The following ARHGEF11 variants were observed in gnomAD, a reference collection of about 807,000 sequenced individuals.
ARHGEF11 encodes the protein Rho guanine nucleotide exchange factor 11.
A neutral mutation model predicts 193.7 loss-of-function variants in ARHGEF11; 55 were observed. That is an observed-to-expected ratio of 0.28 (90% CI 0.23 to 0.36). The LOEUF (loss-of-function observed/expected upper bound fraction) is 0.36, where lower values mean the gene tolerates loss of function less well. ARHGEF11 is among the 10% of genes least tolerant of loss of function. The pLI, the probability that ARHGEF11 is intolerant of heterozygous loss-of-function variation, is 1.00. For missense variants in ARHGEF11, 1,723 were observed against 2,005.6 expected (o/e 0.86, Z 2.69); for synonymous variants, 693 against 768.0 (o/e 0.90, Z 1.62).
At position 156,935,899 on chromosome 1, in the gene ARHGEF11, C is replaced by A; in HGVS notation, c.*101G>T. 7.4e-7 allele frequency: 1 copy of A among 1,356,958 alleles called. No individual in the cohort carries two copies. Among genetic ancestry groups the A allele is most frequent in the Non-Finnish European group, 1.0e-6 (1 of 992,714 alleles). 84.1% of individuals were successfully genotyped at this position (1,356,958 alleles called of 1,614,324 possible). A position where few individuals can be genotyped will look rare whatever the true frequency, so the allele number is the denominator to read the frequency against. Reference sequence around the variant, plus strand: ...ATCCTAGTTTCCCTAACTGCCTCCTCCACAGGGAGGAGTGTTGGGATCCCC... The same window carrying A: ...ATCCTAGTTTCCCTAACTGCCTCCTACACAGGGAGGAGTGTTGGGATCCCC... On this transcript the variant is annotated 3_prime_UTR_variant, in exon 41 of 41. Coordinates refer to ENST00000368194, the MANE Select transcript of ARHGEF11 (RefSeq NM_198236.3).
intron 17 of ARHGEF11, 69 bp downstream of exon 17, chr1:156,958,673 A>C (rs1557859154): frequency 3.1e-6 from 5 of 1,602,978 alleles, no homozygotes; most frequent in Non-Finnish European, 3.4e-6. Context: ...AGGTTGAAAG[A>C]ACAGACCCAC....
upstream of ARHGEF11, among the ~76,000 whole-genome samples, chr1:157,046,691 C>G (rs931559124): frequency 7.2e-5 from 11 of 152,142 alleles, no homozygotes; most frequent in African/African-American, 2.7e-4. Flanking sequence ...TCATAACCCC[C>G]TCTCATAGAA....
chr1:156,978,991 G>A (rs951547945), intron 5 of ARHGEF11, among the ~76,000 whole-genome samples: 2 of 152,242 alleles, frequency 1.3e-5, no homozygotes, highest in African/African-American at 4.8e-5. Flanking sequence ...GCAAAGATGA[G>A]TGTGGGTAAA....
intron 1 of ARHGEF11, among the ~76,000 whole-genome samples, chr1:157,030,086 C>T (rs1289287331): frequency 2.0e-5 from 3 of 152,124 alleles, no homozygotes; most frequent in Non-Finnish European, 4.4e-5. Flanking sequence ...TTGCACAACT[C>T]TGTGAATATA....
At position 156,939,529 on chromosome 1, in the gene ARHGEF11, A is replaced by C; in HGVS notation, c.4096+19T>G. 1 of 1,607,054 alleles carries C rather than the reference A, an allele frequency of 6.2e-7. No homozygotes were observed. The highest frequency in any genetic ancestry group is 8.5e-7 in the Non-Finnish European group (1 of 1,179,960). On this transcript the variant is annotated intron_variant, in intron 37 of 40. Coordinates refer to ENST00000368194, the MANE Select transcript of ARHGEF11 (RefSeq NM_198236.3). ...GCAAGGGTGCTTGTCTCCCCACTGG[A>C]CACTCCCATTTATTTTACCTTTTCT...
Position 156,948,713 on chromosome 1 carries a change from C to G in ARHGEF11, c.1926-215G>C. On this transcript the variant is annotated intron_variant, in intron 22 of 40. Coordinates refer to ENST00000368194, the MANE Select transcript of ARHGEF11 (RefSeq NM_198236.3). This position sits in a 1 kb window ranked among gnomAD's most constrained non-coding sequence, Gnocchi z 4.2. Reference sequence around the variant, plus strand: ...AACTCCTCCTCTCTCCCCAGCCTAGCCTGATGGATGGACAGTCATCTTCCT... The same window carrying G: ...AACTCCTCCTCTCTCCCCAGCCTAGGCTGATGGATGGACAGTCATCTTCCT... 1 of 1,511,538 alleles carries G rather than the reference C, an allele frequency of 6.6e-7. No homozygotes were observed. The highest frequency in any genetic ancestry group is 8.8e-7 in the Non-Finnish European group (1 of 1,132,844). 93.6% of individuals were successfully genotyped at this position (1,511,538 alleles called of 1,614,324 possible).
At chr1:156,988,852 A>G (rs2102517255) in intron 1 of ARHGEF11, among the ~76,000 whole-genome samples, 1 of 152,290 alleles carries the variant, frequency 6.6e-6, no homozygotes. Context: ...CATTGAACTG[A>G]AGGAGGAAGA....
At position 156,948,839 on chromosome 1, in the gene ARHGEF11, CAAG is replaced by C. The variant is rs1410157869; in HGVS notation, c.1926-344_1926-342del. ...GAGGCCTGAGACACCATGCTTCTGTCAAGAAGGTGGTAGACATCATCGTCCCTC... is the reference window on the plus strand; with the variant it reads ...GAGGCCTGAGACACCATGCTTCTGTCAAGGTGGTAGACATCATCGTCCCTC... On this transcript the variant is annotated intron_variant, in intron 22 of 40. Transcript: ENST00000368194. The surrounding 1 kb of genome is among the most constrained non-coding windows in gnomAD (Gnocchi z 4.2). 1.5e-4 allele frequency: 149 copies of C among 985,266 alleles called. No individual in the cohort carries two copies. Among genetic ancestry groups the C allele is most frequent in the Non-Finnish European group, 1.7e-4 (142 of 829,916 alleles). The allele number at this position is 985,266 out of a possible 1,614,324, so 61.0% of individuals were successfully genotyped here.
chr1:156,976,875 T>A, intron 7 of ARHGEF11, 108 bp downstream of exon 7: 1 of 989,270 alleles, frequency 1.0e-6, no homozygotes, highest in Non-Finnish European at 1.6e-6. Flanking sequence ...GAGGTTTTAC[T>A]GTGATAGGAT....
At chr1:156,968,997 C>A (rs566882721) in intron 10 of ARHGEF11, among the ~76,000 whole-genome samples, 1 of 152,354 alleles carries the variant, frequency 6.6e-6, no homozygotes, top group East Asian at 1.9e-4. Context: ...CTCCCTCACT[C>A]TCAAAGGCTT....
At chr1:157,030,316 T>C (rs1299067732) in intron 1 of ARHGEF11, among the ~76,000 whole-genome samples, 5 of 152,142 alleles carry the variant, frequency 3.3e-5, no homozygotes, top group Non-Finnish European at 7.4e-5. Flanking sequence ...TGAGCCACTT[T>C]TGAGGAGATT....
chr1:156,982,460 G>A (rs945932670), intron 3 of ARHGEF11, among the ~76,000 whole-genome samples: 7 of 152,098 alleles, frequency 4.6e-5, no homozygotes, highest in African/African-American at 1.2e-4. Flanking sequence ...AAAGATAACC[G>A]CTGCTTTGTT....
At chr1:156,958,301 T>C (rs1276430934) in intron 17 of ARHGEF11, among the ~76,000 whole-genome samples, 2 of 152,184 alleles carry the variant, frequency 1.3e-5, no homozygotes, top group Non-Finnish European at 2.9e-5. Flanking sequence ...ATTGCACTAG[T>C]TCAGTTTTCT....
At chr1:156,962,932 A>G (rs1661166377) in intron 13 of ARHGEF11, among the ~76,000 whole-genome samples, 1 of 151,462 alleles carries the variant, frequency 6.6e-6, no homozygotes, top group Admixed American at 6.6e-5. Flanking sequence ...AACTTCTCCA[A>G]GACGACTTCC....
At chr1:157,019,608 C>T (rs1669708366) in intron 1 of ARHGEF11, among the ~76,000 whole-genome samples, 1 of 152,196 alleles carries the variant, frequency 6.6e-6, no homozygotes, top group African/African-American at 2.4e-5. Flanking sequence ...TTATTTGTAG[C>T]AGCCCAGATG....
At chr1:156,960,201 C>T (rs1444941043) in intron 15 of ARHGEF11, among the ~76,000 whole-genome samples, 1 of 152,150 alleles carries the variant, frequency 6.6e-6, no homozygotes, top group Non-Finnish European at 1.5e-5. Flanking sequence ...AAGCTCCCCC[C>T]GGCAGAGTGA....
intron 1 of ARHGEF11, among the ~76,000 whole-genome samples, chr1:157,036,684 C>G (rs1214779869): frequency 6.6e-6 from 1 of 152,106 alleles, no homozygotes; most frequent in Non-Finnish European, 1.5e-5. Context: ...AATGGCCTAA[C>G]CTAAGGGTCT....
At chr1:156,992,693 G>C (rs1665924885) in intron 1 of ARHGEF11, among the ~76,000 whole-genome samples, 1 of 152,160 alleles carries the variant, frequency 6.6e-6, no homozygotes, top group Non-Finnish European at 1.5e-5. Flanking sequence ...AGGTCAGTCA[G>C]AAGTTCTGGC....
At chr1:157,039,761 A>G (rs1453932474) in intron 1 of ARHGEF11, among the ~76,000 whole-genome samples, 1 of 152,230 alleles carries the variant, frequency 6.6e-6, no homozygotes, top group East Asian at 1.9e-4. Context: ...TGAAGAGGTG[A>G]AACAGATTCA....
Sources: allele counts gnomAD v4.1 joint callset (sites outside exome capture counted in the v4.1 genomes callset), GRCh38; gene constraint gnomAD v4.1.1; non-coding constraint Gnocchi (gnomAD v3.1); transcripts MANE v1.5; gene names NCBI Gene and HGNC (gene_info 2026-07-23, HGNC 2026-07-21).